SLC47A1: variants seen among roughly 807,000 people sequenced by gnomAD.
The protein encoded by SLC47A1 is solute carrier family 47 member 1.
Under a neutral mutation model 65.8 loss-of-function variants are expected in SLC47A1, and 58 were observed. The observed-to-expected ratio is 0.88, with a 90% CI of 0.71 to 1.10. SLC47A1 has a LOEUF of 1.10. SLC47A1 is among the 50% of genes least tolerant of loss of function. SLC47A1 has a pLI of 0.00. For missense variants in SLC47A1, 706 were observed against 719.2 expected (o/e 0.98, Z 0.21); for synonymous variants, 285 against 295.0 (o/e 0.97, Z 0.35).
Position 19,567,155 on chromosome 17 carries a change from T to C in SLC47A1, c.1236T>C (p.Asn412=). 6.2e-7 allele frequency: 1 copy of C among 1,614,198 alleles called. No homozygotes were observed. The highest frequency in any genetic ancestry group is 1.1e-5 in the South Asian group (1 of 91,088). The part of the protein sequence containing the change: ...SGNQKVGAIV[N]TIGYYVVGLP... ...ATCAGAAGGTTGGAGCCATTGTGAA[T>C]ACCATTGGGTACTATGTGGTTGGCC... The change falls in exon 14 of 17, where the codon AAT becomes AAC. Residue 412 remains asparagine (N), a synonymous_variant. Coordinates refer to ENST00000270570, the MANE Select transcript of SLC47A1 (RefSeq NM_018242.3).
chr17:19,561,642 C>CAA (rs60772908), intron 12 of SLC47A1, among the ~76,000 whole-genome samples: 11 of 58,598 alleles, frequency 1.9e-4, no homozygotes, highest in Admixed American at 5.9e-4. Context: ...GACTCTGTCT[C>CAA]AAAAAAAAAA....
At chr17:19,550,332 C>T (rs2440169) in intron 5 of SLC47A1, among the ~76,000 whole-genome samples, 101,086 of 150,606 alleles carry the variant, frequency 0.67, 34,092 homozygotes, top group East Asian at 0.82. Context: ...TTTTTTTTTT[C>T]TAAGATAGGG....
chr17:19,542,578 T>A, intron 2 of SLC47A1, 84 bp downstream of exon 2: 1 of 1,130,046 alleles, frequency 8.8e-7, no homozygotes, highest in Non-Finnish European at 1.3e-6. Context: ...CAAAATGTAG[T>A]GGCTGAAACC....
chr17:19,555,980 G>A lies in SLC47A1; in HGVS notation c.854-15G>A, dbSNP rs752514500. 3 of 1,614,078 alleles carry A rather than the reference G, an allele frequency of 1.9e-6. No individual in the cohort carries two copies. The highest frequency in any genetic ancestry group is 2.5e-6 in the Non-Finnish European group (3 of 1,180,048). On this transcript the variant is annotated splice_polypyrimidine_tract_variant and intron_variant, in intron 9 of 16. Transcript: ENST00000270570. The stretch of plus-strand genomic sequence containing the variant: ...CCTGTCTGGGTGCAAGGCGACAGCT[G>A]TCTTTCTTCACCAGGCATCCTCGGC...
intron 1 of SLC47A1, among the ~76,000 whole-genome samples, chr17:19,539,720 A>G (rs1468564996): frequency 6.6e-6 from 1 of 152,134 alleles, no homozygotes; most frequent in Non-Finnish European, 1.5e-5. Flanking sequence ...TTCTGACCTC[A>G]GGTGATCTAC....
chr17:19,546,329 G>A, intron 2 of SLC47A1, 106 bp from the exon 3 acceptor site: 1 of 1,130,280 alleles, frequency 8.8e-7, no homozygotes, highest in Non-Finnish European at 1.3e-6. Context: ...ATTGACTTGT[G>A]AATGCTGAAG....
chr17:19,541,529 A>G (rs1916149146), intron 1 of SLC47A1, among the ~76,000 whole-genome samples: 1 of 152,174 alleles, frequency 6.6e-6, no homozygotes, highest in East Asian at 1.9e-4. Context: ...AGAATGGTTC[A>G]ATATTCCAGA....
chr17:19,567,031 G>A lies in SLC47A1; in HGVS notation c.1177-65G>A, dbSNP rs114637940. The A allele has an allele frequency of 6.7e-4, 1,084 of 1,611,212 alleles. 7 individuals carry two copies. The African/African-American group carries it at 0.011, about 17-fold the overall frequency. On this transcript the variant is annotated intron_variant, in intron 13 of 16. Coordinates refer to ENST00000270570, the MANE Select transcript of SLC47A1 (RefSeq NM_018242.3). ...TTTTAGCACAGAATATGAAGTGCTC[G>A]GGAGATGGGAGTGTTTCAAGAGCGC...
chr17:19,550,459 G>T (rs567491315), intron 5 of SLC47A1, among the ~76,000 whole-genome samples: 2 of 152,248 alleles, frequency 1.3e-5, no homozygotes, highest in Non-Finnish European at 2.9e-5. Context: ...GATACTACAG[G>T]TGCACACCAC....
intron 1 of SLC47A1, among the ~76,000 whole-genome samples, chr17:19,538,928 G>A (rs987391923): frequency 2.0e-5 from 3 of 152,150 alleles, no homozygotes; most frequent in African/African-American, 7.2e-5. Flanking sequence ...ACGGAAGCAC[G>A]GTCAGTCTGG....
intron 2 of SLC47A1, among the ~76,000 whole-genome samples, chr17:19,543,087 C>G (rs1314165193): frequency 6.7e-6 from 1 of 149,628 alleles, no homozygotes; most frequent in African/African-American, 2.5e-5. Context: ...CCACCGTGCC[C>G]AGCCTCACAT....
intron 12 of SLC47A1, chr17:19,564,715 A>ATTTCT (rs1359975771): frequency 3.3e-5 from 5 of 152,274 alleles, no homozygotes; most frequent in Non-Finnish European, 5.9e-5. Context: ...TCAGTGCTGG[A>ATTTCT]TTTCTTTTCT....
Position 19,555,303 on chromosome 17 carries a change from G to A in SLC47A1, c.635G>A (p.Gly212Glu). ...NYLFLHQLHL[G>E]VIGSALANLI... ...CTGTTTCTCCATCAACTGCATCTTG[G>A]GGTGATGTGAGTCCAACATACTCTT... Residue 212 changes from glycine (G) to glutamate (E), a missense_variant, in exon 7 of 17, where the codon GGG (glycine) becomes GAG (glutamate). Transcript: ENST00000270570. 1 of 1,614,116 alleles carries A rather than the reference G, an allele frequency of 6.2e-7. No individual in the cohort carries two copies.
At chr17:19,557,089 T>C (rs1339830791) in intron 10 of SLC47A1, 1 of 152,360 alleles carries the variant, frequency 6.6e-6, no homozygotes, top group East Asian at 1.9e-4. Flanking sequence ...ATTTTAGAAA[T>C]GTAAAATTAA....
At chr17:19,534,556 A>T (rs1291583450) in intron 1 of SLC47A1, 2 of 152,858 alleles carry the variant, frequency 1.3e-5, no homozygotes, top group Admixed American at 6.5e-5. Context: ...GAGCTCTGCG[A>T]TCTAAATAAT....
At chr17:19,556,728 T>A (rs187495460) in intron 10 of SLC47A1, among the ~76,000 whole-genome samples, 6 of 152,196 alleles carry the variant, frequency 3.9e-5, no homozygotes, top group Admixed American at 6.5e-5. Context: ...CCAGCTAATT[T>A]TGTATTTTCA....
chr17:19,548,239 C>T, intron 4 of SLC47A1, 106 bp downstream of exon 4: 1 of 1,385,952 alleles, frequency 7.2e-7, no homozygotes, highest in South Asian at 1.4e-5. Context: ...CAAGGTGGTG[C>T]TCATCTCTCC....
At chr17:19,538,296 C>T (rs1350470371) in intron 1 of SLC47A1, among the ~76,000 whole-genome samples, 2 of 152,168 alleles carry the variant, frequency 1.3e-5, no homozygotes, top group Non-Finnish European at 2.9e-5. Flanking sequence ...AAACAAAATA[C>T]CCAAAAAACG....
intron 12 of SLC47A1, among the ~76,000 whole-genome samples, chr17:19,561,487 G>GA (rs1166659064): frequency 1.3e-5 from 2 of 150,764 alleles, no homozygotes; most frequent in Non-Finnish European, 3.0e-5. Context: ...ACTAAAAATA[G>GA]AAAAAATTAG....
Sources: allele counts gnomAD v4.1 joint callset (sites outside exome capture counted in the v4.1 genomes callset), GRCh38; gene constraint gnomAD v4.1.1; transcripts MANE v1.5; gene names NCBI Gene and HGNC (gene_info 2026-07-23, HGNC 2026-07-21).